Variants in LYZL4 observed in about 807,000 individuals in gnomAD.
LYZL4 encodes the protein lysozyme-like protein 4.
LYZL4 carries 13 observed loss-of-function variants against 17.6 expected under a neutral mutation model. That is an observed-to-expected ratio of 0.74 (90% CI 0.48 to 1.18). LYZL4 has a LOEUF of 1.18. Ranked by LOEUF, LYZL4 falls within the 50% of genes most tolerant of loss-of-function variation. The pLI is 0.00. For synonymous variants in LYZL4, 64 were observed against 67.7 expected (o/e 0.95, Z 0.27); for missense variants, 174 against 188.2 (o/e 0.92, Z 0.44).
the LYZL4 span, among the ~76,000 whole-genome samples, chr3:42,371,130 A>G: frequency 6.6e-6 from 1 of 151,898 alleles, no homozygotes; most frequent in African/African-American, 2.4e-5. Flanking sequence ...CTCCCCTGGA[A>G]CTCCCATCTC....
chr3:42,400,762 A>C (rs931570839), intron 4 of LYZL4, among the ~76,000 whole-genome samples: 1 of 152,192 alleles, frequency 6.6e-6, no homozygotes, highest in Non-Finnish European at 1.5e-5. Context: ...CCAGGCAGGT[A>C]ATTATAAAAT....
At chr3:42,394,036 G>T (rs247419), downstream of LYZL4, among the ~76,000 whole-genome samples, 1 of 151,988 alleles carries the variant, frequency 6.6e-6, no homozygotes, top group Non-Finnish European at 1.5e-5. Flanking sequence ...CAGGTGATCC[G>T]CTCACCTCGG....
the LYZL4 span, among the ~76,000 whole-genome samples, chr3:42,381,525 G>A: frequency 1.3e-5 from 2 of 152,156 alleles, no homozygotes; most frequent in South Asian, 4.1e-4. Flanking sequence ...TCGGAAAAAA[G>A]CTACAGAAAA....
intron 4 of LYZL4, among the ~76,000 whole-genome samples, chr3:42,398,875 G>A (rs905950641): frequency 2.0e-5 from 3 of 152,030 alleles, no homozygotes; most frequent in Admixed American, 6.6e-5. Context: ...TGAAACTCTC[G>A]TAGGATAAAA....
chr3:42,369,844 A>T, the LYZL4 span, among the ~76,000 whole-genome samples: 4 of 152,282 alleles, frequency 2.6e-5, no homozygotes, highest in South Asian at 8.3e-4. Flanking sequence ...GCATTTGGGG[A>T]TGCAGGCTGC....
the LYZL4 span, among the ~76,000 whole-genome samples, chr3:42,383,136 G>C: frequency 2.0e-5 from 3 of 152,248 alleles, no homozygotes; most frequent in African/African-American, 7.2e-5. Context: ...GGGGCATCAG[G>C]CACAGTTTAG....
the LYZL4 span, among the ~76,000 whole-genome samples, chr3:42,361,233 T>C: frequency 6.6e-6 from 1 of 152,178 alleles, no homozygotes; most frequent in Admixed American, 6.5e-5. Context: ...CGATATACAC[T>C]ATTCTGCAGC....
chr3:42,370,999 C>T, the LYZL4 span, among the ~76,000 whole-genome samples: 2 of 152,226 alleles, frequency 1.3e-5, no homozygotes, highest in Non-Finnish European at 2.9e-5. Flanking sequence ...ACAGGTTTCC[C>T]TGTTTCCTCC....
At chr3:42,387,933 C>A in the LYZL4 span, among the ~76,000 whole-genome samples, 1 of 152,180 alleles carries the variant, frequency 6.6e-6, no homozygotes, top group East Asian at 1.9e-4. Context: ...ACCTTTCCCA[C>A]CTGTCAGCCA....
chr3:42,407,999 C>G (rs1004448150), intron 1 of LYZL4, among the ~76,000 whole-genome samples: 2 of 152,168 alleles, frequency 1.3e-5, no homozygotes, highest in African/African-American at 4.8e-5. Flanking sequence ...GGGGAGCGCA[C>G]TCAGAGAATG....
chr3:42,374,330 T>C, the LYZL4 span, among the ~76,000 whole-genome samples: 1 of 152,360 alleles, frequency 6.6e-6, no homozygotes, highest in African/African-American at 2.4e-5. Context: ...CTTTAAATTA[T>C]TCACTCCAAG....
At chr3:42,366,449 T>G in the LYZL4 span, among the ~76,000 whole-genome samples, 3 of 152,196 alleles carry the variant, frequency 2.0e-5, no homozygotes, top group Non-Finnish European at 4.4e-5. Flanking sequence ...ACTGCTGCGC[T>G]GGGTCTCCCT....
At position 42,406,372 on chromosome 3, in the gene LYZL4, C is replaced by T. The variant is rs549974942; in HGVS notation, c.292+474G>A. On this transcript the variant is annotated intron_variant, in intron 3 of 4. Transcript: ENST00000287748. ...GGGAGGCTGAGGCAGGAGAATGGCA[C>T]GAAGCCAGGAGGTGGAGCTTGCCGT... Among the ~76,000 whole-genome samples, 217 of 142,872 alleles carry T rather than the reference C, an allele frequency of 1.5e-3. 1 individual carries two copies. The highest frequency in any genetic ancestry group is 3.9e-3 in the Admixed American group (52 of 13,488). The allele number at this position is 142,872 out of a possible 152,430, so 93.7% of individuals were successfully genotyped here. A position where few individuals can be genotyped will look rare whatever the true frequency, so the allele number is the denominator to read the frequency against.
chr3:42,371,499 A>G, the LYZL4 span, among the ~76,000 whole-genome samples: 7 of 152,220 alleles, frequency 4.6e-5, no homozygotes, highest in African/African-American at 1.7e-4. Context: ...TTCCTGGCCA[A>G]TCACGTGGTT....
At chr3:42,376,030 C>T in the LYZL4 span, among the ~76,000 whole-genome samples, 1 of 152,218 alleles carries the variant, frequency 6.6e-6, no homozygotes, top group Non-Finnish European at 1.5e-5. Context: ...CCCAAATCCA[C>T]AATCCTCCCC....
chr3:42,390,923 C>T, the LYZL4 span, among the ~76,000 whole-genome samples: 35 of 152,216 alleles, frequency 2.3e-4, no homozygotes, highest in African/African-American at 7.5e-4. Flanking sequence ...TTTGGTGGAG[C>T]CTTGGAAGGG....
chr3:42,403,754 A>G (rs1320613648), intron 4 of LYZL4, among the ~76,000 whole-genome samples: 1 of 152,252 alleles, frequency 6.6e-6, no homozygotes, highest in Non-Finnish European at 1.5e-5. Context: ...AGAAATAATC[A>G]GAGATTATCA....
At chr3:42,368,183 G>A in the LYZL4 span, among the ~76,000 whole-genome samples, 81 of 152,268 alleles carry the variant, frequency 5.3e-4, no homozygotes, top group African/African-American at 1.8e-3. Context: ...TAGTTGCTGC[G>A]GAGCCCCAGG....
chr3:42,401,506 C>T (rs759554563), intron 4 of LYZL4, among the ~76,000 whole-genome samples: 29 of 152,136 alleles, frequency 1.9e-4, no homozygotes, highest in Admixed American at 9.2e-4. Context: ...CATGAGCCAC[C>T]GCTCCCAGCA....
Sources: gnomAD v4.1 joint callset for allele counts (sites outside exome capture counted in the v4.1 genomes callset) on GRCh38, gnomAD v4.1.1 for gene constraint, MANE v1.5 for transcripts, NCBI Gene and HGNC (gene_info 2026-07-23, HGNC 2026-07-21) for gene names.